Variants in PRDM5 observed in about 807,000 individuals in gnomAD.
The protein encoded by PRDM5 is PR/SET domain 5.
PRDM5 carries 56 observed loss-of-function variants against 81.2 expected under a neutral mutation model. The observed-to-expected ratio is 0.69, with a 90% CI of 0.56 to 0.86. The LOEUF (loss-of-function observed/expected upper bound fraction) is 0.86, where lower values mean the gene tolerates loss of function less well. PRDM5 is among the 40% of genes least tolerant of loss of function. PRDM5 has a pLI of 0.00. For synonymous variants in PRDM5, 267 were observed against 256.4 expected (o/e 1.04, Z -0.39); for missense variants, 697 against 770.1 (o/e 0.91, Z 1.12).
rs537315540 is a variant in PRDM5 at position 120,750,157 on chromosome 4, G to A, written c.1623+4396C>T. ...AAAATTTAAATTTTGATAGCCACAT[G>A]TAGCTAGTGGTTAGGACACTGCCGC... On this transcript the variant is annotated intron_variant, in intron 14 of 15. Coordinates refer to ENST00000264808, the MANE Select transcript of PRDM5 (RefSeq NM_018699.4). 3.9e-5 allele frequency among the ~76,000 whole-genome samples: 6 copies of A among 152,356 alleles called. No individual in the cohort carries two copies. The South Asian group carries it at 1.0e-3, about 26-fold the overall frequency.
At chr4:120,770,628 A>G (rs1166882480) in intron 13 of PRDM5, among the ~76,000 whole-genome samples, 1 of 152,100 alleles carries the variant, frequency 6.6e-6, no homozygotes, top group East Asian at 1.9e-4. Flanking sequence ...ATATGATTGG[A>G]CAAAAAGGTT....
chr4:120,848,956 G>T (rs1361434134), intron 3 of PRDM5, among the ~76,000 whole-genome samples: 1 of 152,042 alleles, frequency 6.6e-6, no homozygotes, highest in Non-Finnish European at 1.5e-5. Flanking sequence ...TCACTAGACA[G>T]CTGTACTTTA....
At position 120,754,645 on chromosome 4, in the gene PRDM5, A is replaced by G; in HGVS notation, c.1538-7T>C. The G allele has an allele frequency of 3.8e-6, 6 of 1,568,546 alleles. No individual in the cohort carries two copies. The highest frequency in any genetic ancestry group is 5.3e-6 in the Non-Finnish European group (6 of 1,139,566). ...CATTGATAGGGACGCTCACCTACAA[A>G]TAAAGGAAGCCTCCATGTCAGAAAA... On this transcript the variant is annotated splice_region_variant and splice_polypyrimidine_tract_variant and intron_variant, in intron 13 of 15. Transcript: ENST00000264808.
chr4:120,729,414 G>A (rs2149080140), intron 14 of PRDM5, among the ~76,000 whole-genome samples: 1 of 152,210 alleles, frequency 6.6e-6, no homozygotes, highest in Non-Finnish European at 1.5e-5. Flanking sequence ...ACATCCATGA[G>A]ATGAAGGCAG....
rs753484071 is a variant in PRDM5, at chr4:120,712,007, T to A, written c.1624-1594A>T. Reference sequence around the variant, plus strand: ...AATATTGCTATAAACATTCTTGGGCTGGGCATGGTGGCTCATGCCTGTAAT... The same window carrying A: ...AATATTGCTATAAACATTCTTGGGCAGGGCATGGTGGCTCATGCCTGTAAT... On this transcript the variant is annotated intron_variant, in intron 14 of 15. Transcript: ENST00000264808. 1.7e-3 allele frequency among the ~76,000 whole-genome samples: 262 copies of A among 152,232 alleles called. 2 individuals carry two copies. The highest frequency in any genetic ancestry group is 4.4e-3 in the Admixed American group (68 of 15,288).
intron 10 of PRDM5, among the ~76,000 whole-genome samples, chr4:120,796,939 A>G (rs765372349): frequency 6.6e-6 from 1 of 152,206 alleles, no homozygotes; most frequent in Non-Finnish European, 1.5e-5. Flanking sequence ...AAAATCAATA[A>G]GCAAGTATTT....
At chr4:120,828,360 A>G (rs1032297370) in intron 3 of PRDM5, among the ~76,000 whole-genome samples, 8 of 152,046 alleles carry the variant, frequency 5.3e-5, no homozygotes, top group African/African-American at 1.9e-4. Context: ...CCCCTCCAAC[A>G]CACCTGCATT....
At chr4:120,697,945 T>G (rs1476374800) in intron 15 of PRDM5, among the ~76,000 whole-genome samples, 1 of 88,852 alleles carries the variant, frequency 1.1e-5, no homozygotes, top group Non-Finnish European at 2.7e-5. Flanking sequence ...TATTAATAAG[T>G]ATACAAATAA....
intron 2 of PRDM5, among the ~76,000 whole-genome samples, chr4:120,883,165 C>G (rs568576213): frequency 7.9e-5 from 12 of 152,088 alleles, no homozygotes; most frequent in African/African-American, 2.9e-4. Context: ...TTACATTTTC[C>G]CCTTCTGCCT....
At chr4:120,918,702 G>A (rs1311698195) in intron 1 of PRDM5, among the ~76,000 whole-genome samples, 2 of 139,676 alleles carry the variant, frequency 1.4e-5, no homozygotes, top group African/African-American at 5.4e-5. Flanking sequence ...AAATCCCTCA[G>A]TGAGAATCAA....
At chr4:120,837,473 G>A (rs1757491750) in intron 3 of PRDM5, 1 of 152,148 alleles carries the variant, frequency 6.6e-6, no homozygotes, top group African/African-American at 2.4e-5. Flanking sequence ...TCAAAGGATT[G>A]TGATATTAAT....
chr4:120,762,949 A>T (rs1745844839), intron 13 of PRDM5, among the ~76,000 whole-genome samples: 1 of 152,198 alleles, frequency 6.6e-6, no homozygotes, highest in Non-Finnish European at 1.5e-5. Flanking sequence ...AAAGCTTAAC[A>T]GAGTTTACAG....
intron 8 of PRDM5, among the ~76,000 whole-genome samples, chr4:120,806,733 A>T (rs1278272552): frequency 6.6e-6 from 1 of 152,204 alleles, no homozygotes; most frequent in Non-Finnish European, 1.5e-5. Context: ...TTAGACCTAA[A>T]ACCATAAAAA....
intron 15 of PRDM5, among the ~76,000 whole-genome samples, chr4:120,702,255 A>G (rs1735495380): frequency 6.6e-6 from 1 of 152,168 alleles, no homozygotes; most frequent in African/African-American, 2.4e-5. Context: ...AAATTGTTCC[A>G]TGGTGTTTTG....
intron 15 of PRDM5, among the ~76,000 whole-genome samples, chr4:120,709,795 T>C (rs576756222): frequency 5.6e-4 from 86 of 152,230 alleles, no homozygotes; most frequent in African/African-American, 2.0e-3. Flanking sequence ...GTATGCTATG[T>C]CAAATAATTC....
intron 14 of PRDM5, among the ~76,000 whole-genome samples, chr4:120,716,814 C>T (rs1445775702): frequency 6.6e-6 from 1 of 152,120 alleles, no homozygotes; most frequent in Non-Finnish European, 1.5e-5. Context: ...TCATAGGCCA[C>T]TCACCTCTAA....
At chr4:120,725,259 A>T (rs1739226041) in intron 14 of PRDM5, among the ~76,000 whole-genome samples, 1 of 145,482 alleles carries the variant, frequency 6.9e-6, no homozygotes, top group Non-Finnish European at 1.5e-5. Flanking sequence ...TACACTTTTC[A>T]TCTGATATAC....
intron 14 of PRDM5, among the ~76,000 whole-genome samples, chr4:120,747,013 A>T (rs1743195339): frequency 6.7e-6 from 1 of 148,770 alleles, no homozygotes; most frequent in Non-Finnish European, 1.5e-5. Context: ...TATTCACAAT[A>T]GCAAAGACTT....
At chr4:120,777,795 G>C (rs1427991491) in intron 12 of PRDM5, among the ~76,000 whole-genome samples, 1 of 152,102 alleles carries the variant, frequency 6.6e-6, no homozygotes, top group African/African-American at 2.4e-5. Context: ...AAAATCACCA[G>C]GTGGTAACTG....
Sources: gnomAD v4.1 joint callset for allele counts (sites outside exome capture counted in the v4.1 genomes callset) on GRCh38, gnomAD v4.1.1 for gene constraint, MANE v1.5 for transcripts, NCBI Gene and HGNC (gene_info 2026-07-23, HGNC 2026-07-21) for gene names.